CAMK1D: variants seen among roughly 807,000 people sequenced by gnomAD.
CAMK1D encodes the protein calcium/calmodulin dependent protein kinase ID, also known as calcium/calmodulin-dependent protein kinase type 1D.
Under a neutral mutation model 47.7 loss-of-function variants are expected in CAMK1D, and 9 were observed. The ratio of observed to expected loss-of-function variants is 0.19; its 90% CI spans 0.11 to 0.33. The LOEUF (loss-of-function observed/expected upper bound fraction) is 0.33, where lower values mean the gene tolerates loss of function less well. CAMK1D is among the 10% of genes least tolerant of loss of function. The pLI is 1.00. For missense variants in CAMK1D, 291 were observed against 488.7 expected (o/e 0.60, Z 3.81); for synonymous variants, 184 against 184.9 (o/e 0.99, Z 0.04).
intron 1 of CAMK1D, among the ~76,000 whole-genome samples, chr10:12,541,871 C>CTTCCTTCT (rs1564401097): frequency 7.0e-6 from 1 of 143,554 alleles, no homozygotes; most frequent in Non-Finnish European, 1.5e-5. Context: ...TCCTTCCTTC[C>CTTCCTTCT]TTCCTTCCTT....
At chr10:12,815,559 A>G (rs112725904) in intron 7 of CAMK1D, among the ~76,000 whole-genome samples, 2,280 of 152,350 alleles carry the variant, frequency 0.015, 24 homozygotes, top group Non-Finnish European at 0.022. Flanking sequence ...CCAGAAGCCC[A>G]GTCCTTTGGG....
chr10:12,771,397 A>C (rs1216327849), intron 5 of CAMK1D, among the ~76,000 whole-genome samples: 1 of 152,200 alleles, frequency 6.6e-6, no homozygotes, highest in African/African-American at 2.4e-5. Flanking sequence ...CCTCAAACTA[A>C]AGGAGATACA....
At chr10:12,654,605 C>T (rs966471884) in intron 2 of CAMK1D, among the ~76,000 whole-genome samples, 1 of 152,174 alleles carries the variant, frequency 6.6e-6, no homozygotes, top group Non-Finnish European at 1.5e-5. Context: ...GTTGCTAATA[C>T]TATTATACTT....
intron 3 of CAMK1D, among the ~76,000 whole-genome samples, chr10:12,734,353 TATATATATATATATATATATATATAG>T (rs1564524000): frequency 4.7e-3 from 24 of 5,058 alleles, no homozygotes; most frequent in African/African-American, 0.01. Flanking sequence ...AAAATATATA[TATATATATATATATATATATATATAG>T]ATATAGATAT....
At chr10:12,601,221 A>T (rs1588678105) in intron 2 of CAMK1D, among the ~76,000 whole-genome samples, 1 of 134,108 alleles carries the variant, frequency 7.5e-6, no homozygotes, top group Non-Finnish European at 1.6e-5. Flanking sequence ...CTCAGAGATT[A>T]AGTCTTTTTG....
intron 1 of CAMK1D, among the ~76,000 whole-genome samples, chr10:12,367,500 C>T (rs1837871184): frequency 6.6e-6 from 1 of 151,620 alleles, no homozygotes; most frequent in Admixed American, 6.6e-5. Flanking sequence ...TTTATTTATT[C>T]CTATTATTAT....
At chr10:12,777,453 A>G (rs1241625023) in intron 5 of CAMK1D, among the ~76,000 whole-genome samples, 1 of 146,696 alleles carries the variant, frequency 6.8e-6, no homozygotes, top group African/African-American at 2.5e-5. Context: ...GCTCACTGCA[A>G]CCTCTGCCTC....
chr10:12,752,828 G>A (rs1836050376), intron 3 of CAMK1D, among the ~76,000 whole-genome samples: 1 of 152,134 alleles, frequency 6.6e-6, no homozygotes, highest in Non-Finnish European at 1.5e-5. Context: ...AGGAGCCACT[G>A]GTCTTATGAA....
intron 1 of CAMK1D, among the ~76,000 whole-genome samples, chr10:12,502,198 C>T (rs1834726058): frequency 6.6e-6 from 1 of 152,106 alleles, no homozygotes; most frequent in African/African-American, 2.4e-5. Flanking sequence ...CATCGCAGAC[C>T]GTGGGCTGAG....
At chr10:12,645,970 G>GTTTT (rs5783282) in intron 2 of CAMK1D, among the ~76,000 whole-genome samples, 1 of 136,874 alleles carries the variant, frequency 7.3e-6, no homozygotes. Flanking sequence ...ATGGCTAGTT[G>GTTTT]TTTTTTTTTT....
At chr10:12,814,456 G>A (rs187700982) in intron 7 of CAMK1D, 149 bp downstream of exon 7, 1 of 538,844 alleles carries the variant, frequency 1.9e-6, no homozygotes, top group East Asian at 3.0e-5. Flanking sequence ...AGATACCATA[G>A]ACTGGGTGGC....
intron 3 of CAMK1D, among the ~76,000 whole-genome samples, chr10:12,748,038 A>G (rs2130865302): frequency 6.6e-6 from 1 of 152,320 alleles, no homozygotes; most frequent in Admixed American, 6.5e-5. Flanking sequence ...TGGCCCATTC[A>G]AGTTTCATAA....
At chr10:12,755,132 T>A (rs1345687352) in intron 3 of CAMK1D, among the ~76,000 whole-genome samples, 3 of 152,186 alleles carry the variant, frequency 2.0e-5, no homozygotes, top group African/African-American at 7.2e-5. Flanking sequence ...ATAAAGATTT[T>A]AAAAAATTAT....
At chr10:12,473,252 G>A (rs1833802206) in intron 1 of CAMK1D, among the ~76,000 whole-genome samples, 1 of 152,126 alleles carries the variant, frequency 6.6e-6, no homozygotes, top group Non-Finnish European at 1.5e-5. Flanking sequence ...TGGCCACATC[G>A]TGAAGACCTT....
At chr10:12,498,941 G>A (rs1834620885) in intron 1 of CAMK1D, among the ~76,000 whole-genome samples, 1 of 152,072 alleles carries the variant, frequency 6.6e-6, no homozygotes, top group Non-Finnish European at 1.5e-5. Context: ...ATCTAATTAA[G>A]GATTTCTGTT....
chr10:12,522,900 C>G lies in CAMK1D; in HGVS notation c.93-30325C>G, dbSNP rs1407424780. Reference sequence around the variant, plus strand: ...CCCCCCACCTCCCTCCCGGACGGGGCGGCTGGCCGGGCGGGGGCTGACCCC... The same window carrying G: ...CCCCCCACCTCCCTCCCGGACGGGGGGGCTGGCCGGGCGGGGGCTGACCCC... On this transcript the variant is annotated intron_variant, in intron 1 of 10. Coordinates refer to ENST00000619168, the MANE Select transcript of CAMK1D (RefSeq NM_153498.4). Among the ~76,000 whole-genome samples, 7 of 93,104 alleles carry G rather than the reference C, an allele frequency of 7.5e-5. 2 individuals are homozygous for G. Among genetic ancestry groups the G allele is most frequent in the Non-Finnish European group, 1.1e-4 (5 of 43,930 alleles). The allele number at this position is 93,104 out of a possible 152,430, so 61.1% of individuals were successfully genotyped here.
rs1837287524 is a variant in CAMK1D, at chr10:12,349,637, A to T, written c.-182A>T. ...TGTGCCCGAGAACAGCAGAAATAAG[A>T]GCCAGGGAGGGACCGCGGCCGCGGC... On this transcript the variant is annotated 5_prime_UTR_variant, in exon 1 of 11. Coordinates refer to ENST00000619168, the MANE Select transcript of CAMK1D (RefSeq NM_153498.4). 6.4e-6 allele frequency: 1 copy of T among 156,820 alleles called. No homozygotes were observed. Among genetic ancestry groups the T allele is most frequent in the African/African-American group, 2.4e-5 (1 of 40,976 alleles). 9.7% of individuals were successfully genotyped at this position (156,820 alleles called of 1,614,324 possible).
chr10:12,401,028 T>C (rs1423675231), intron 1 of CAMK1D, among the ~76,000 whole-genome samples: 1 of 117,462 alleles, frequency 8.5e-6, no homozygotes, highest in Non-Finnish European at 1.7e-5. Context: ...TGTTTTATAA[T>C]ATATAAATAT....
In CAMK1D at chr10:12,828,754, T is replaced by A. The variant is rs772245692; in HGVS notation, c.1040-15T>A. The A allele has an allele frequency of 1.9e-6, 3 of 1,602,116 alleles. No homozygotes were observed. The African/African-American group carries it at 4.0e-5, about 21-fold the overall frequency. ...CCTCTGAAACTCTGAAGCCCACTTC[T>A]GCTGTTCCCTGCAGGTCTGGCACCT... On this transcript the variant is annotated splice_polypyrimidine_tract_variant and intron_variant, in intron 10 of 10. Transcript: ENST00000619168.
Sources: allele counts gnomAD v4.1 joint callset (sites outside exome capture counted in the v4.1 genomes callset), GRCh38; gene constraint gnomAD v4.1.1; transcripts MANE v1.5; gene names NCBI Gene and HGNC (gene_info 2026-07-23, HGNC 2026-07-21).